The following PIP5K1B variants were observed in gnomAD, a reference collection of about 807,000 sequenced individuals.
PIP5K1B encodes the protein phosphatidylinositol 4-phosphate 5-kinase type-1 beta.
Under a neutral mutation model 67.0 loss-of-function variants are expected in PIP5K1B, and 42 were observed. That is an observed-to-expected ratio of 0.63 (90% confidence interval 0.49 to 0.81). The LOEUF is 0.81. Among genes scored for constraint, PIP5K1B ranks in the 30% least tolerant of loss-of-function variants. The probability of loss-of-function intolerance (pLI) is 0.00; values close to 1 mark genes in which losing one functional copy is unlikely to be tolerated. For missense variants in PIP5K1B, 459 were observed against 646.3 expected (o/e 0.71, Z 3.14); for synonymous variants, 214 against 231.4 (o/e 0.92, Z 0.68).
intron 1 of PIP5K1B, among the ~76,000 whole-genome samples, chr9:68,715,326 C>T (rs1354845649): frequency 1.3e-5 from 2 of 152,138 alleles, no homozygotes; most frequent in Non-Finnish European, 2.9e-5. Context: ...GGGTCATTGA[C>T]ATGGTTCCAG....
At chr9:68,922,069 A>C (rs1339342001) in intron 11 of PIP5K1B, among the ~76,000 whole-genome samples, 1 of 152,152 alleles carries the variant, frequency 6.6e-6, no homozygotes, top group African/African-American at 2.4e-5. Context: ...GATACCCCTC[A>C]GGCTCTTGCC....
intron 4 of PIP5K1B, among the ~76,000 whole-genome samples, chr9:68,826,232 C>G (rs558135352): frequency 1.3e-5 from 2 of 152,230 alleles, no homozygotes; most frequent in East Asian, 3.9e-4. Flanking sequence ...TTATTGAGTG[C>G]TTTCCGCAAG....
intron 15 of PIP5K1B, among the ~76,000 whole-genome samples, chr9:69,006,906 A>G (rs962531288): frequency 6.6e-6 from 1 of 152,182 alleles, no homozygotes; most frequent in Non-Finnish European, 1.5e-5. Context: ...TTTGTGAGAG[A>G]CCTGCACCAT....
chr9:68,788,474 TTTTTG>T (rs71353082), intron 2 of PIP5K1B: 63 of 291,768 alleles, frequency 2.2e-4, no homozygotes, highest in East Asian at 1.3e-3. Flanking sequence ...ATCAGGAAGG[TTTTTG>T]TTTTGTTTTG....
chr9:68,830,299 A>G (rs980839793), intron 4 of PIP5K1B, among the ~76,000 whole-genome samples: 3 of 152,156 alleles, frequency 2.0e-5, no homozygotes, highest in Non-Finnish European at 4.4e-5. Context: ...TCACCCCTCC[A>G]AACACTTGTG....
chr9:68,778,049 G>C (rs1831008297), intron 2 of PIP5K1B, among the ~76,000 whole-genome samples: 1 of 152,056 alleles, frequency 6.6e-6, no homozygotes, highest in Non-Finnish European at 1.5e-5. Flanking sequence ...TCCCAACTTT[G>C]GTTTTAGACC....
rs1015533882 is a variant in PIP5K1B at position 68,763,306 on chromosome 9, T to C, written c.-86+20649T>C. 3.3e-5 allele frequency among the ~76,000 whole-genome samples: 5 copies of C among 152,148 alleles called. No homozygotes were observed. In the East Asian group the frequency reaches 7.7e-4, roughly 23 times the overall value. On this transcript the variant is annotated intron_variant, in intron 2 of 15. Coordinates refer to ENST00000265382, the MANE Select transcript of PIP5K1B (RefSeq NM_003558.4). The stretch of plus-strand genomic sequence containing the variant: ...CTTAAGTGTGAGATTCATGTGGGCA[T>C]GTGAATGAGGCAAAGCGTTTAACCT...
rs1826169648 is a variant in PIP5K1B, at chr9:68,917,693, C to T, written c.917C>T (p.Thr306Ile). 1 of 1,614,048 alleles carries T rather than the reference C, an allele frequency of 6.2e-7. No individual in the cohort carries two copies. The highest frequency in any genetic ancestry group is 1.3e-5 in the African/African-American group (1 of 74,920). The change falls in exon 9 of 16, where the codon ACA (threonine) becomes ATA (isoleucine). Residue 306 changes from threonine (T) to isoleucine (I), a missense_variant. Thr to Ile is a moderately conservative substitution (Grantham distance 89). Coordinates refer to ENST00000265382, the MANE Select transcript of PIP5K1B (RefSeq NM_003558.4). ...GGGATGCAGAAGGTTCTCTACTCAACAGCCATGGAATCTATCCAGGGTCCA... is the reference window on the plus strand; with the variant it reads ...GGGATGCAGAAGGTTCTCTACTCAATAGCCATGGAATCTATCCAGGGTCCA... ...RTGMQKVLYSTAMESIQGPGK... is the reference protein window; with the variant it reads ...RTGMQKVLYSIAMESIQGPGK...
chr9:68,785,087 A>G (rs1165533581), intron 2 of PIP5K1B, among the ~76,000 whole-genome samples: 1 of 152,174 alleles, frequency 6.6e-6, no homozygotes, highest in Admixed American at 6.5e-5. Context: ...GATGGATGCC[A>G]GGTTGCAGTT....
rs960048513 is a variant in PIP5K1B, at chr9:68,945,304, C to T, written c.1502+4514C>T. 3.3e-5 allele frequency among the ~76,000 whole-genome samples: 5 copies of T among 152,156 alleles called. No individual in the cohort carries two copies. In the East Asian group the frequency reaches 7.7e-4, roughly 24 times the overall value. On this transcript the variant is annotated intron_variant, in intron 14 of 15. Coordinates refer to ENST00000265382, the MANE Select transcript of PIP5K1B (RefSeq NM_003558.4). ...GGGATTACAGGCACCCGCCACCACTCCTGGCTAGTTATTGTATTTTTAGTA... is the reference window on the plus strand; with the variant it reads ...GGGATTACAGGCACCCGCCACCACTTCTGGCTAGTTATTGTATTTTTAGTA...
chr9:68,837,190 G>T (rs1188359636), intron 4 of PIP5K1B, among the ~76,000 whole-genome samples: 2 of 152,166 alleles, frequency 1.3e-5, no homozygotes, highest in Non-Finnish European at 2.9e-5. Context: ...TTTGTGTTAG[G>T]CAGGGATACA....
chr9:68,878,261 C>G (rs999521368), intron 6 of PIP5K1B, among the ~76,000 whole-genome samples: 1 of 152,100 alleles, frequency 6.6e-6, no homozygotes, highest in Non-Finnish European at 1.5e-5. Context: ...CTTAGACTTG[C>G]GTTTCACACT....
At chr9:68,924,640 T>C (rs571959200) in intron 12 of PIP5K1B, among the ~76,000 whole-genome samples, 27 of 152,178 alleles carry the variant, frequency 1.8e-4, no homozygotes, top group Admixed American at 1.2e-3. Flanking sequence ...GAGAAAATAA[T>C]CCTATATATA....
intron 15 of PIP5K1B, among the ~76,000 whole-genome samples, chr9:68,999,526 G>A (rs1830727269): frequency 6.6e-6 from 1 of 152,238 alleles, no homozygotes; most frequent in African/African-American, 2.4e-5. Context: ...GACATAATTT[G>A]TGTTCGAAGT....
intron 3 of PIP5K1B, among the ~76,000 whole-genome samples, chr9:68,819,744 T>TA (rs1385012861): frequency 1.3e-5 from 2 of 152,172 alleles, no homozygotes; most frequent in African/African-American, 4.8e-5. Context: ...AAGCATCTTA[T>TA]TTGTCCCTGC....
At position 68,885,884 on chromosome 9, in the gene PIP5K1B, A is replaced by G. The variant is rs1587615971; in HGVS notation, c.319-3097A>G. On this transcript the variant is annotated intron_variant, in intron 6 of 15. Coordinates refer to ENST00000265382, the MANE Select transcript of PIP5K1B (RefSeq NM_003558.4). ...ATCATTATTTGTCGATCGAAAATTTAAAAATAGAAAAATTTGGCCAGGTGC... is the reference window on the plus strand; with the variant it reads ...ATCATTATTTGTCGATCGAAAATTTGAAAATAGAAAAATTTGGCCAGGTGC... Among the ~76,000 whole-genome samples, 3 of 152,238 alleles carry G rather than the reference A, an allele frequency of 2.0e-5. No homozygotes were observed. In the South Asian group the frequency reaches 6.2e-4, roughly 31 times the overall value.
intron 14 of PIP5K1B, among the ~76,000 whole-genome samples, chr9:68,966,352 T>C (rs924138252): frequency 2.6e-4 from 39 of 152,168 alleles, no homozygotes; most frequent in Non-Finnish European, 4.3e-4. Flanking sequence ...ACCTTTGCAG[T>C]AGAGAAGCCT....
intron 2 of PIP5K1B, among the ~76,000 whole-genome samples, chr9:68,785,289 A>G (rs1215807304): frequency 1.3e-5 from 2 of 152,164 alleles, no homozygotes; most frequent in African/African-American, 4.8e-5. Context: ...TCAGGGCTTT[A>G]CCTTATCAGC....
intron 2 of PIP5K1B, among the ~76,000 whole-genome samples, chr9:68,817,558 G>A (rs1178867892): frequency 6.6e-6 from 1 of 152,068 alleles, no homozygotes; most frequent in Non-Finnish European, 1.5e-5. Flanking sequence ...ATTTTTAAAT[G>A]AGATAGATAT....
Sources: gnomAD v4.1 joint callset for allele counts (sites outside exome capture counted in the v4.1 genomes callset) on GRCh38, gnomAD v4.1.1 for gene constraint, MANE v1.5 for transcripts, NCBI Gene and HGNC (gene_info 2026-07-23, HGNC 2026-07-21) for gene names.